The following TLN2 variants were observed in gnomAD, a reference collection of about 807,000 sequenced individuals.
TLN2 encodes the protein talin-2.
Under a neutral mutation model 294.7 loss-of-function variants are expected in TLN2, and 118 were observed. The ratio of observed to expected loss-of-function variants is 0.40; its 90% confidence interval spans 0.34 to 0.47. TLN2 has a LOEUF of 0.47. Ranked by LOEUF, TLN2 falls within the 20% of genes least tolerant of loss-of-function variation. The pLI is 0.84. For missense variants in TLN2, 3,083 were observed against 3,282.2 expected (o/e 0.94, Z 1.48); for synonymous variants, 1,431 against 1,304.5 (o/e 1.10, Z -2.09).
intron 3 of TLN2, among the ~76,000 whole-genome samples, chr15:62,626,739 G>A (rs2049320007): frequency 6.6e-6 from 1 of 152,176 alleles, no homozygotes; most frequent in Admixed American, 6.5e-5. Context: ...AGGACACACA[G>A]CTCTTATTAA....
At chr15:62,810,309 C>G (rs1596078784) in intron 52 of TLN2, among the ~76,000 whole-genome samples, 1 of 152,262 alleles carries the variant, frequency 6.6e-6, no homozygotes, top group East Asian at 1.9e-4. Context: ...GAAGAGGGAG[C>G]AGAGTGAAGG....
chr15:62,543,970 G>C (rs538927561), intron 1 of TLN2, among the ~76,000 whole-genome samples: 1 of 152,130 alleles, frequency 6.6e-6, no homozygotes, highest in Non-Finnish European at 1.5e-5. Flanking sequence ...GCTGGGGCTG[G>C]CGTGGAGGGT....
chr15:62,796,121 C>G lies in TLN2; in HGVS notation c.5884-6C>G, dbSNP rs752233811. On this transcript the variant is annotated splice_polypyrimidine_tract_variant and splice_region_variant and intron_variant, in intron 46 of 58. Transcript: ENST00000636159. Reference sequence around the variant, plus strand: ...AGCTCCCCTCACATTCCCTTTCTGCCTACAGGTCTCCTTGGTGCTCTCGGC... The same window carrying G: ...AGCTCCCCTCACATTCCCTTTCTGCGTACAGGTCTCCTTGGTGCTCTCGGC... 1.2e-6 allele frequency: 2 copies of G among 1,613,462 alleles called. No individual in the cohort carries two copies. Among genetic ancestry groups the G allele is most frequent in the South Asian group, 1.1e-5 (1 of 90,952 alleles).
intron 22 of TLN2, among the ~76,000 whole-genome samples, chr15:62,715,343 T>C (rs2059697292): frequency 6.6e-6 from 1 of 152,252 alleles, no homozygotes; most frequent in South Asian, 2.1e-4. Context: ...CAAATATTAT[T>C]GCCTGAAAGC....
chr15:62,560,576 C>A (rs148431060), intron 1 of TLN2, among the ~76,000 whole-genome samples: 3 of 152,220 alleles, frequency 2.0e-5, no homozygotes, highest in Admixed American at 6.5e-5. Flanking sequence ...ATCCGCGCGC[C>A]TGGCCTCCCA....
chr15:62,699,385 A>ATT lies in TLN2; in HGVS notation c.1587+530_1587+531dup, dbSNP rs111261040. 4.3e-3 allele frequency among the ~76,000 whole-genome samples: 618 copies of ATT among 142,112 alleles called. 6 individuals are homozygous for ATT. The highest frequency in any genetic ancestry group is 0.014 in the African/African-American group (557 of 38,804). 93.2% of individuals were successfully genotyped at this position (142,112 alleles called of 152,430 possible). A position where few individuals can be genotyped will look rare whatever the true frequency, so the allele number is the denominator to read the frequency against. On this transcript the variant is annotated intron_variant, in intron 16 of 58. Transcript: ENST00000636159. ...ATGAATGTTGCTGGACTCTTCCTCT[A>ATT]TTTTTTTTTTTTTGGATCTTGGGTA...
intron 40 of TLN2, among the ~76,000 whole-genome samples, chr15:62,764,534 G>A (rs966619354): frequency 6.6e-6 from 1 of 152,186 alleles, no homozygotes; most frequent in Non-Finnish European, 1.5e-5. Context: ...CTCAAACTGT[G>A]TGGGATGCCA....
chr15:62,668,502 C>G (rs541229962), intron 9 of TLN2, among the ~76,000 whole-genome samples: 14 of 152,298 alleles, frequency 9.2e-5, no homozygotes, highest in African/African-American at 2.6e-4. Flanking sequence ...TCAGTGGCCA[C>G]CACCTGGTCT....
At chr15:62,598,476 G>A (rs928009678) in intron 2 of TLN2, among the ~76,000 whole-genome samples, 4 of 152,096 alleles carry the variant, frequency 2.6e-5, no homozygotes, top group Admixed American at 6.5e-5. Context: ...TCTGCTGTGC[G>A]TGGACAGGGG....
At chr15:62,616,421 TTTC>T (rs1412835629) in intron 2 of TLN2, among the ~76,000 whole-genome samples, 9 of 152,148 alleles carry the variant, frequency 5.9e-5, no homozygotes, top group African/African-American at 2.2e-4. Flanking sequence ...TTCCATACAT[TTTC>T]TTCTTCTTTT....
intron 1 of TLN2, among the ~76,000 whole-genome samples, chr15:62,583,808 T>C (rs1480621700): frequency 6.6e-6 from 1 of 152,202 alleles, no homozygotes; most frequent in Non-Finnish European, 1.5e-5. Flanking sequence ...TTACACCTAT[T>C]ACTAATTGAT....
chr15:62,412,741 C>G (rs931265538), intron 1 of TLN2, among the ~76,000 whole-genome samples: 6 of 152,170 alleles, frequency 3.9e-5, no homozygotes, highest in African/African-American at 1.4e-4. Flanking sequence ...CTAATGCTCC[C>G]CTAGACTCTT....
At chr15:62,814,206 A>G (rs1011922756) in intron 52 of TLN2, among the ~76,000 whole-genome samples, 4 of 152,344 alleles carry the variant, frequency 2.6e-5, no homozygotes, top group Middle Eastern at 3.4e-3. Context: ...CAGGAAAAAA[A>G]CTGGAGAAAT....
intron 22 of TLN2, among the ~76,000 whole-genome samples, chr15:62,712,564 C>A (rs1342955177): frequency 6.7e-4 from 1 of 1,494 alleles, no homozygotes; most frequent in African/African-American, 7.5e-4. Flanking sequence ...GTTAAGAGTT[C>A]CTTTATGCTT....
At chr15:62,818,585 T>G (rs544077898) in intron 52 of TLN2, among the ~76,000 whole-genome samples, 11 of 152,148 alleles carry the variant, frequency 7.2e-5, no homozygotes, top group Non-Finnish European at 1.6e-4. Context: ...AAAAGACAAT[T>G]TTTGAAAACT....
chr15:62,809,358 T>A (rs1440242802), intron 51 of TLN2, among the ~76,000 whole-genome samples: 1 of 152,090 alleles, frequency 6.6e-6, no homozygotes, highest in Non-Finnish European at 1.5e-5. Context: ...TTGTATAATA[T>A]GAGATGAGTT....
chr15:62,550,300 A>AG (rs1247099842), intron 1 of TLN2, among the ~76,000 whole-genome samples: 1 of 152,098 alleles, frequency 6.6e-6, no homozygotes, highest in South Asian at 2.1e-4. Flanking sequence ...ACATATTTAC[A>AG]GGGGGGAAAA....
At chr15:62,748,576 T>C in intron 33 of TLN2, 132 bp downstream of exon 33, 1 of 726,846 alleles carries the variant, frequency 1.4e-6, no homozygotes, top group Non-Finnish European at 2.3e-6. Flanking sequence ...TGTCCTTGCC[T>C]TTTATCTTTC....
At position 62,555,265 on chromosome 15, in the gene TLN2, CT is replaced by C. The variant is rs1157541614; in HGVS notation, c.-237-34414del. ...TTATTCCTAAAAAATAGCAAGCAAA[CT>C]TTTTTTTACGTTACTAATTTTTCAT... On this transcript the variant is annotated intron_variant, in intron 1 of 58. Transcript: ENST00000636159. 1.1e-4 allele frequency among the ~76,000 whole-genome samples: 17 copies of C among 152,070 alleles called. No individual in the cohort carries two copies. In the South Asian group the frequency reaches 3.3e-3, roughly 30 times the overall value.
Sources: allele counts gnomAD v4.1 joint callset (sites outside exome capture counted in the v4.1 genomes callset), GRCh38; gene constraint gnomAD v4.1.1; transcripts MANE v1.5; gene names NCBI Gene and HGNC (gene_info 2026-07-23, HGNC 2026-07-21).